BFSP1: variants seen among roughly 807,000 people sequenced by gnomAD.
BFSP1 encodes the protein filensin.
Under a neutral mutation model 43.9 loss-of-function variants are expected in BFSP1, and 38 were observed. The ratio of observed to expected loss-of-function variants is 0.87; its 90% CI spans 0.67 to 1.14. The LOEUF is 1.14. Among genes scored for constraint, BFSP1 ranks in the 50% most tolerant of loss-of-function variants. The pLI is 0.00. For synonymous variants in BFSP1, 352 were observed against 354.8 expected, an observed-to-expected ratio of 0.99 and a Z score of 0.09; for missense variants, 850 against 875.1, an observed-to-expected ratio of 0.97 and a Z score of 0.36.
At chr20:17,517,633 AG>A (rs1415635027) in intron 2 of BFSP1, among the ~76,000 whole-genome samples, 2 of 152,224 alleles carry the variant, frequency 1.3e-5, no homozygotes, top group Admixed American at 1.3e-4. Flanking sequence ...AAAAAGAAAC[AG>A]GTGAAATTAA....
chr20:17,494,224 A>G lies in BFSP1; in HGVS notation c.1848T>C (p.Ala616=), dbSNP rs780292187. 1.9e-6 allele frequency: 3 copies of G among 1,614,046 alleles called. No individual in the cohort carries two copies. Among genetic ancestry groups the G allele is most frequent in the Non-Finnish European group, 2.5e-6 (3 of 1,180,058 alleles). ...RSLPEKGPPK[A]LAYKTVEVVE... is the part of the protein sequence containing the mutation. ...CCACTTCCACTGTCTTATAGGCCAA[A>G]GCCTTGGGAGGGCCTTTTTCTGGCA... Residue 616 remains alanine, a synonymous_variant, in exon 8 of 8, where the codon GCT becomes GCC. Transcript: ENST00000377873.
At chr20:17,539,430 A>G (rs2034680622) in intron 1 of BFSP1, among the ~76,000 whole-genome samples, 2 of 152,056 alleles carry the variant, frequency 1.3e-5, no homozygotes, top group South Asian at 2.1e-4. Flanking sequence ...TATTTCTGAT[A>G]GAAATATACA....
At chr20:17,509,062 G>A (rs549603846) in intron 4 of BFSP1, 66 bp from the exon 5 acceptor site, 42 of 1,237,210 alleles carry the variant, frequency 3.4e-5, no homozygotes, top group South Asian at 9.9e-5. Context: ...GAGAAGGTGC[G>A]GGGCCCTGGT....
chr20:17,553,667 C>T (rs924392495), intron 1 of BFSP1, among the ~76,000 whole-genome samples: 1 of 150,982 alleles, frequency 6.6e-6, no homozygotes, highest in Non-Finnish European at 1.5e-5. Context: ...GGGTGGCAAA[C>T]TACTTTAGAT....
At chr20:17,554,693 GAT>G (rs2034960981) in intron 1 of BFSP1, among the ~76,000 whole-genome samples, 1 of 152,206 alleles carries the variant, frequency 6.6e-6, no homozygotes, top group Non-Finnish European at 1.5e-5. Flanking sequence ...TCAGGAACAA[GAT>G]AAGGATCGCC....
chr20:17,512,319 A>C (rs1438425882), intron 3 of BFSP1, among the ~76,000 whole-genome samples: 1 of 152,202 alleles, frequency 6.6e-6, no homozygotes, highest in African/African-American at 2.4e-5. Context: ...GGGGCCGATG[A>C]ATAAACTAAG....
At chr20:17,542,754 C>A (rs2034739791) in intron 1 of BFSP1, among the ~76,000 whole-genome samples, 1 of 152,150 alleles carries the variant, frequency 6.6e-6, no homozygotes, top group Non-Finnish European at 1.5e-5. Flanking sequence ...ACATGGAACC[C>A]TAAATTTAAA....
upstream of BFSP1, among the ~76,000 whole-genome samples, chr20:17,561,502 G>C (rs1473549320): frequency 7.9e-6 from 1 of 126,152 alleles, no homozygotes; most frequent in Non-Finnish European, 1.8e-5. Flanking sequence ...CCGCCTCAAA[G>C]AAAAAAAAAA....
chr20:17,513,061 C>T (rs890834406), intron 3 of BFSP1, among the ~76,000 whole-genome samples: 1 of 152,274 alleles, frequency 6.6e-6, no homozygotes, highest in South Asian at 2.1e-4. Flanking sequence ...CCCAGGCCAA[C>T]GACTGACAGC....
chr20:17,497,457 T>TACACAC (rs200390071), intron 6 of BFSP1, among the ~76,000 whole-genome samples: 88 of 72,076 alleles, frequency 1.2e-3, no homozygotes, highest in East Asian at 2.9e-3. Context: ...TGTATATATA[T>TACACAC]ATACACACAC....
intron 5 of BFSP1, among the ~76,000 whole-genome samples, chr20:17,499,270 G>T (rs1312819100): frequency 6.9e-6 from 1 of 144,288 alleles, no homozygotes; most frequent in Non-Finnish European, 1.5e-5. Context: ...TTTGATAGAG[G>T]ATCTCACTTT....
upstream of BFSP1, among the ~76,000 whole-genome samples, chr20:17,535,355 C>A (rs900983339): frequency 6.6e-6 from 1 of 152,084 alleles, no homozygotes; most frequent in Non-Finnish European, 1.5e-5. Context: ...ATGGTGAAAC[C>A]CCATCTGTAC....
rs773615057 is a variant in BFSP1 at position 17,531,272 on chromosome 20, C to T, written c.58G>A (p.Glu20Lys). Reference protein sequence around the residue: ...TRKEQYEHADEASRAAEPERP... With the variant: ...TRKEQYEHADKASRAAEPERP... ...TCGGGCTCGGCGGCGCGCGAAGCCTCGTCGGCGTGCTCGTACTGCTCCTTG... is the reference window on the plus strand; with the variant it reads ...TCGGGCTCGGCGGCGCGCGAAGCCTTGTCGGCGTGCTCGTACTGCTCCTTG... Residue 20 changes from glutamate (E) to lysine (K), a missense_variant, in exon 1 of 8, where the codon GAG becomes AAG. Transcript: ENST00000377873. 2 of 1,457,648 alleles carry T rather than the reference C, an allele frequency of 1.4e-6. No individual in the cohort carries two copies. Among genetic ancestry groups the T allele is most frequent in the Non-Finnish European group, 1.8e-6 (2 of 1,107,306 alleles). 90.3% of individuals were successfully genotyped at this position (1,457,648 alleles called of 1,614,324 possible). A position where few individuals can be genotyped will look rare whatever the true frequency, so the allele number is the denominator to read the frequency against.
chr20:17,528,100 C>T (rs1308870451), intron 1 of BFSP1, among the ~76,000 whole-genome samples: 5 of 152,166 alleles, frequency 3.3e-5, no homozygotes, highest in Admixed American at 6.5e-5. Flanking sequence ...CATCAACTCA[C>T]CTCTGGAATG....
intron 7 of BFSP1, among the ~76,000 whole-genome samples, chr20:17,496,192 G>A (rs968806077): frequency 6.6e-6 from 1 of 152,222 alleles, no homozygotes; most frequent in Non-Finnish European, 1.5e-5. Flanking sequence ...GGCCCTGGGC[G>A]TCCAGCTGCA....
At chr20:17,554,505 T>C (rs2034958084) in intron 1 of BFSP1, among the ~76,000 whole-genome samples, 1 of 152,200 alleles carries the variant, frequency 6.6e-6, no homozygotes, top group Non-Finnish European at 1.5e-5. Flanking sequence ...TATAATTTAC[T>C]ACATTAACAA....
At position 17,512,013 on chromosome 20, in the gene BFSP1, G is replaced by C. The variant is rs750640577; in HGVS notation, c.590C>G (p.Thr197Ser). ...ISILQQIIHTTPPASIVTSGM... is the reference protein window; with the variant it reads ...ISILQQIIHTSPPASIVTSGM... ...ACTCGTCACAATGGATGCTGGAGGA[G>C]TGGTGTGGATGATCTGCTGCAGGAT... The change falls in exon 4 of 8, where the codon ACT becomes AGT. Residue 197 changes from threonine to serine, a missense_variant. Transcript: ENST00000377873. The C allele has an allele frequency of 1.2e-6, 2 of 1,612,568 alleles. No individual in the cohort carries two copies.
intron 1 of BFSP1, 132 bp downstream of exon 1, chr20:17,530,821 G>A (rs1410842012): frequency 9.6e-7 from 1 of 1,043,156 alleles, no homozygotes; most frequent in African/African-American, 1.7e-5. Context: ...CCTGCGTGCA[G>A]GGATGAGGTC....
intron 1 of BFSP1, among the ~76,000 whole-genome samples, chr20:17,537,585 A>C (rs1016177983): frequency 1.4e-4 from 21 of 152,060 alleles, no homozygotes; most frequent in African/African-American, 2.4e-4. Context: ...AAAAAAAAAA[A>C]AAAACAAATT....
Sources: gnomAD v4.1 joint callset for allele counts (sites outside exome capture counted in the v4.1 genomes callset) on GRCh38, gnomAD v4.1.1 for gene constraint, MANE v1.5 for transcripts, NCBI Gene and HGNC (gene_info 2026-07-23, HGNC 2026-07-21) for gene names.